SHPRH: variants seen among roughly 807,000 people sequenced by gnomAD.
SHPRH encodes E3 ubiquitin-protein ligase SHPRH.
A neutral mutation model predicts 202.5 loss-of-function variants in SHPRH; 106 were observed. The observed-to-expected ratio is 0.52, with a 90% CI of 0.45 to 0.62. SHPRH has a LOEUF of 0.62. Ranked by LOEUF, SHPRH falls within the 20% of genes least tolerant of loss-of-function variation. SHPRH has a pLI of 0.00. For missense variants in SHPRH, 1,710 were observed against 2,020.0 expected (o/e 0.85, Z 2.94); for synonymous variants, 729 against 686.0 (o/e 1.06, Z -0.98).
intron 11 of SHPRH, among the ~76,000 whole-genome samples, chr6:145,937,891 CTA>C (rs935751614): frequency 6.6e-6 from 1 of 152,092 alleles, no homozygotes; most frequent in Non-Finnish European, 1.5e-5. Flanking sequence ...ATAGAACAAA[CTA>C]TTTTTTTAAT....
Position 145,954,698 on chromosome 6 carries a change from T to C in SHPRH, c.625A>G (p.Ile209Val). The C allele has an allele frequency of 6.3e-7, 1 of 1,579,472 alleles. No individual in the cohort carries two copies. ...CACAAAAAACTGAGTACCTTGATAA[T>C]GTGATTTCCTTCTGGTTTCTGATAG... ...KLYQKPEGNHIIKVGIYLLEA... is the reference protein window; with the variant it reads ...KLYQKPEGNHVIKVGIYLLEA... Residue 209 changes from isoleucine (I) to valine (V), a missense_variant, in exon 2 of 30, where the codon ATT becomes GTT. By Grantham distance (29) the Ile-to-Val change is conservative. Transcript: ENST00000275233.
chr6:145,908,081 A>G (rs1427925381), intron 25 of SHPRH: 8 of 152,146 alleles, frequency 5.3e-5, no homozygotes, highest in Admixed American at 2.6e-4. Flanking sequence ...ATGTCCCTGC[A>G]AAGGACATGA....
At chr6:145,934,757 T>C in intron 13 of SHPRH, 150 bp downstream of exon 13, 1 of 677,656 alleles carries the variant, frequency 1.5e-6, no homozygotes, top group Non-Finnish European at 2.4e-6. Context: ...TAATTCTCCG[T>C]TGCAAATGAG....
At chr6:145,959,839 C>T (rs377156220) in intron 1 of SHPRH, among the ~76,000 whole-genome samples, 29 of 152,322 alleles carry the variant, frequency 1.9e-4, no homozygotes, top group East Asian at 1.5e-3. Context: ...TGGTCAACTA[C>T]TTTTAAAGCA....
intron 25 of SHPRH, among the ~76,000 whole-genome samples, chr6:145,900,308 A>G (rs1038826348): frequency 6.6e-6 from 1 of 152,150 alleles, no homozygotes; most frequent in Non-Finnish European, 1.5e-5. Context: ...ACACCACGGA[A>G]TATGTTTTTA....
rs78012060 is a variant in SHPRH, at chr6:145,943,096, G to A, written c.2238+47C>T. On this transcript the variant is annotated intron_variant, in intron 9 of 29. Coordinates refer to ENST00000275233, the MANE Select transcript of SHPRH (RefSeq NM_001042683.3). ...AAGATTAGGAAACTATCATGAAGAA[G>A]CAAAACTTTACATTTTCCTCTCCCT... is the stretch of plus-strand genomic sequence containing the variant. 1.1e-3 allele frequency: 1,627 copies of A among 1,514,408 alleles called. 10 individuals are homozygous for A. In the African/African-American group the frequency reaches 0.015, roughly 14 times the overall value. 93.8% of individuals were successfully genotyped at this position (1,514,408 alleles called of 1,614,324 possible).
intron 25 of SHPRH, chr6:145,907,197 C>CTGCT (rs1158022340): frequency 4.6e-5 from 7 of 152,214 alleles, no homozygotes; most frequent in African/African-American, 1.7e-4. Context: ...CATTACCCAC[C>CTGCT]TGCTTATTCA....
chr6:145,874,495 T>C (rs1450341781), intron 2 of SHPRH, among the ~76,000 whole-genome samples: 1 of 152,158 alleles, frequency 6.6e-6, no homozygotes. Flanking sequence ...TATTAAGGTA[T>C]AATTGACATA....
At chr6:145,909,507 G>A (rs1386358789) in intron 25 of SHPRH, 2 of 152,110 alleles carry the variant, frequency 1.3e-5, no homozygotes, top group African/African-American at 4.8e-5. Context: ...GTTCTTTAAT[G>A]CAGCTACAGT....
intron 25 of SHPRH, chr6:145,905,340 T>A (rs982880943): frequency 2.0e-5 from 3 of 152,100 alleles, no homozygotes; most frequent in Non-Finnish European, 4.4e-5. Context: ...AGCTCCTAAG[T>A]GCAGGCAGGA....
chr6:145,861,229 A>G (rs903739545), downstream of SHPRH, among the ~76,000 whole-genome samples: 1 of 152,068 alleles, frequency 6.6e-6, no homozygotes. Flanking sequence ...AGACTTTAAT[A>G]CCTACAACTC....
chr6:145,911,506 A>G (rs1281654509), intron 24 of SHPRH, among the ~76,000 whole-genome samples: 1 of 152,158 alleles, frequency 6.6e-6, no homozygotes, highest in Non-Finnish European at 1.5e-5. Flanking sequence ...TACCATGGAG[A>G]CTTTTGCCCT....
chr6:145,891,392 A>G lies in SHPRH; in HGVS notation c.4874+1823T>C, dbSNP rs567927777. Among the ~76,000 whole-genome samples the G allele has an allele frequency of 2.6e-5, 4 of 152,272 alleles. No homozygotes were observed. The East Asian group carries it at 7.7e-4, about 29-fold the overall frequency. Reference sequence around the variant, plus strand: ...TCAAGTCCTTGCTCAGACTTTCTCAATAAGGCCTTGCATGCCTTCCTGCCC... The same window carrying G: ...TCAAGTCCTTGCTCAGACTTTCTCAGTAAGGCCTTGCATGCCTTCCTGCCC... On this transcript the variant is annotated intron_variant, in intron 28 of 29. Coordinates refer to ENST00000275233, the MANE Select transcript of SHPRH (RefSeq NM_001042683.3).
At chr6:145,927,573 A>G (rs1161487022) in intron 14 of SHPRH, among the ~76,000 whole-genome samples, 2 of 151,752 alleles carry the variant, frequency 1.3e-5, no homozygotes, top group African/African-American at 2.4e-5. Flanking sequence ...AGATTATGCT[A>G]TTGGATAAAC....
Position 145,934,654 on chromosome 6 carries a change from C to A in SHPRH, c.2990+253G>T, listed in dbSNP as rs533968804. Among the ~76,000 whole-genome samples the A allele has an allele frequency of 1.1e-4, 16 of 151,048 alleles. No homozygotes were observed. The East Asian group carries it at 2.3e-3, about 22-fold the overall frequency. ...CACTCCAGCCTGGGAAAGAGTGAGA[C>A]CCCGTCTCAAAACAAAAAAAAACAA... On this transcript the variant is annotated intron_variant, in intron 13 of 29. Transcript: ENST00000275233.
chr6:145,862,171 CA>C (rs1262143344), downstream of SHPRH, among the ~76,000 whole-genome samples: 1 of 151,776 alleles, frequency 6.6e-6, no homozygotes, highest in Non-Finnish European at 1.5e-5. Flanking sequence ...ATGCTCTTAC[CA>C]AAAAGAAGGC....
chr6:145,908,227 G>C (rs1431884440), intron 25 of SHPRH: 1 of 152,036 alleles, frequency 6.6e-6, no homozygotes, highest in East Asian at 1.9e-4. Flanking sequence ...GTAAACATTT[G>C]TGTGTATATG....
At chr6:145,888,160 G>A (rs1781254998) in intron 28 of SHPRH, 60 bp from the exon 29 acceptor site, 11 of 1,264,926 alleles carry the variant, frequency 8.7e-6, no homozygotes, top group Admixed American at 3.7e-5. Context: ...AGTACAAACC[G>A]ACTTCACATT....
In SHPRH at chr6:145,952,443, T is replaced by C. The variant is rs1788073333; in HGVS notation, c.669A>G (p.Lys223=). 6.2e-7 allele frequency: 1 copy of C among 1,609,644 alleles called. No homozygotes were observed. Among genetic ancestry groups the C allele is most frequent in the Non-Finnish European group, 8.5e-7 (1 of 1,177,748 alleles). ...AATTTGCATCACTCAAGAAGTCTAG[T>C]TTTGCTAGGCCAGCTTCCAAAAGAT... ...GIYLLEAGLA[K]LDFLSDANSR... The change falls in exon 3 of 30, where the codon AAA becomes AAG. Residue 223 remains lysine, a synonymous_variant. Coordinates refer to ENST00000275233, the MANE Select transcript of SHPRH (RefSeq NM_001042683.3).
Sources: allele counts gnomAD v4.1 joint callset (sites outside exome capture counted in the v4.1 genomes callset), GRCh38; gene constraint gnomAD v4.1.1; transcripts MANE v1.5; gene names NCBI Gene and HGNC (gene_info 2026-07-23, HGNC 2026-07-21).